The following BCKDHB variants were observed in gnomAD, a reference collection of about 807,000 sequenced individuals.
BCKDHB encodes 2-oxoisovalerate dehydrogenase subunit beta, mitochondrial.
A neutral mutation model predicts 48.5 loss-of-function variants in BCKDHB; 41 were observed. That is an observed-to-expected ratio of 0.85 (90% CI 0.66 to 1.10). The LOEUF is 1.10. Among genes scored for constraint, BCKDHB ranks in the 50% least tolerant of loss-of-function variants. The pLI is 0.00. For missense variants in BCKDHB, 496 were observed against 494.2 expected, an observed-to-expected ratio of 1.00 and a Z score of -0.03; for synonymous variants, 201 against 174.8, an observed-to-expected ratio of 1.15 and a Z score of -1.18.
chr6:80,275,743 G>A (rs993454654), intron 9 of BCKDHB, among the ~76,000 whole-genome samples: 3 of 151,622 alleles, frequency 2.0e-5, no homozygotes, highest in African/African-American at 7.3e-5. Flanking sequence ...ATACCTTTCA[G>A]TAACTCTTTC....
At chr6:80,226,987 CTT>C (rs1775707851) in intron 8 of BCKDHB, among the ~76,000 whole-genome samples, 1 of 152,068 alleles carries the variant, frequency 6.6e-6, no homozygotes, top group Non-Finnish European at 1.5e-5. Context: ...AAAACTGAGA[CTT>C]TCTTTTTTTC....
intron 1 of BCKDHB, among the ~76,000 whole-genome samples, chr6:80,114,117 T>C (rs1711934926): frequency 6.6e-6 from 1 of 152,086 alleles, no homozygotes; most frequent in Non-Finnish European, 1.5e-5. Flanking sequence ...AAGTTGGGGT[T>C]GGGGTTTTCC....
chr6:80,343,960 T>TAAAAAAA lies in BCKDHB; in HGVS notation c.*157_*158insAAAAAAA. ...ACTTTCAGAAGAAAATAATGTGCTT[T>TAAAAAAA]AGAAAAAAAATTCAAATTTATAGTA... On this transcript the variant is annotated 3_prime_UTR_variant, in exon 10 of 10. Transcript: ENST00000320393. The TAAAAAAA allele has an allele frequency of 1.1e-6, 1 of 947,976 alleles. No homozygotes were observed. Among genetic ancestry groups the TAAAAAAA allele is most frequent in the South Asian group, 1.4e-5 (1 of 69,336 alleles). The allele number at this position is 947,976 out of a possible 1,614,324, so 58.7% of individuals were successfully genotyped here.
At chr6:80,259,054 AC>A (rs1423111280) in intron 8 of BCKDHB, among the ~76,000 whole-genome samples, 1 of 152,196 alleles carries the variant, frequency 6.6e-6, no homozygotes, top group African/African-American at 2.4e-5. Context: ...TGGTCCTGAA[AC>A]AGTTCAGTAT....
intron 8 of BCKDHB, among the ~76,000 whole-genome samples, chr6:80,250,154 A>G (rs1261555868): frequency 6.6e-6 from 1 of 152,172 alleles, no homozygotes; most frequent in East Asian, 1.9e-4. Flanking sequence ...GGCCTCCCCA[A>G]CAGCCACTGC....
chr6:80,458,763 A>T, the BCKDHB span, among the ~76,000 whole-genome samples: 1 of 152,174 alleles, frequency 6.6e-6, no homozygotes, highest in Non-Finnish European at 1.5e-5. Context: ...GGTGACTGAG[A>T]CTTATATTCA....
At chr6:80,357,608 A>T in the BCKDHB span, among the ~76,000 whole-genome samples, 1 of 152,208 alleles carries the variant, frequency 6.6e-6, no homozygotes, top group East Asian at 1.9e-4. Context: ...TATCTGTTTA[A>T]CTACATACAA....
the BCKDHB span, among the ~76,000 whole-genome samples, chr6:80,351,844 G>C: frequency 1.4e-5 from 2 of 142,678 alleles, no homozygotes; most frequent in African/African-American, 5.2e-5. Context: ...TTTTTGAGAC[G>C]GAGTTTCGCT....
chr6:80,196,380 G>A (rs1774131101), intron 6 of BCKDHB, among the ~76,000 whole-genome samples: 1 of 152,024 alleles, frequency 6.6e-6, no homozygotes. Context: ...CACAGCAGTT[G>A]TATCCTCCGT....
At chr6:80,227,959 A>G (rs1170540232) in intron 8 of BCKDHB, among the ~76,000 whole-genome samples, 2 of 152,144 alleles carry the variant, frequency 1.3e-5, no homozygotes, top group Non-Finnish European at 2.9e-5. Flanking sequence ...GCTTTTTCCA[A>G]CCACCATATG....
At chr6:80,142,985 A>T (rs2127744196) in intron 3 of BCKDHB, among the ~76,000 whole-genome samples, 1 of 152,300 alleles carries the variant, frequency 6.6e-6, no homozygotes, top group Non-Finnish European at 1.5e-5. Flanking sequence ...AAAGAAATCC[A>T]GTGAAGAGTA....
chr6:80,423,087 G>A, the BCKDHB span, among the ~76,000 whole-genome samples: 3 of 152,178 alleles, frequency 2.0e-5, no homozygotes, highest in Non-Finnish European at 4.4e-5. Context: ...CCTGGTGGGT[G>A]ATGATTGTAT....
the BCKDHB span, among the ~76,000 whole-genome samples, chr6:80,437,027 A>G: frequency 6.6e-6 from 1 of 152,164 alleles, no homozygotes; most frequent in Non-Finnish European, 1.5e-5. Context: ...CTCACCCATA[A>G]TATTATTAGA....
chr6:80,142,085 T>G (rs943010577), intron 3 of BCKDHB, among the ~76,000 whole-genome samples: 2 of 152,120 alleles, frequency 1.3e-5, no homozygotes, highest in African/African-American at 4.8e-5. Context: ...TCATTTCTTA[T>G]GTATTTGGAG....
chr6:80,215,218 C>T (rs548831374), intron 8 of BCKDHB, among the ~76,000 whole-genome samples: 26 of 152,310 alleles, frequency 1.7e-4, no homozygotes, highest in African/African-American at 5.5e-4. Context: ...TAGGGCGGTG[C>T]CCTCCTCTCA....
At chr6:80,446,771 A>T in the BCKDHB span, among the ~76,000 whole-genome samples, 1 of 135,800 alleles carries the variant, frequency 7.4e-6, no homozygotes. Context: ...CTTACAGACT[A>T]AGAGTATTTA....
intron 9 of BCKDHB, chr6:80,307,684 T>C: frequency 7.2e-6 from 7 of 973,512 alleles, no homozygotes; most frequent in Non-Finnish European, 8.5e-6. Context: ...ATTAGGCCTA[T>C]TTTAACACAC....
chr6:80,371,283 A>G, the BCKDHB span, among the ~76,000 whole-genome samples: 1 of 151,964 alleles, frequency 6.6e-6, no homozygotes, highest in East Asian at 1.9e-4. Flanking sequence ...TCATGTGTAT[A>G]TCTTTTTTTG....
In BCKDHB at chr6:80,130,099, C is replaced by T. The variant is rs75416573; in HGVS notation, c.343+870C>T. Among the ~76,000 whole-genome samples the T allele has an allele frequency of 4.9e-3, 746 of 152,264 alleles. 5 individuals carry two copies. The highest frequency in any genetic ancestry group is 0.017 in the African/African-American group (720 of 41,554). ...TGACTCAGTTAAAATAATCAGAATG[C>T]ATTTTGGTCCATCTTTGAATTCCCA... is the stretch of plus-strand genomic sequence containing the variant. On this transcript the variant is annotated intron_variant, in intron 3 of 9. Transcript: ENST00000320393.
Sources: allele counts gnomAD v4.1 joint callset (sites outside exome capture counted in the v4.1 genomes callset), GRCh38; gene constraint gnomAD v4.1.1; transcripts MANE v1.5; gene names NCBI Gene and HGNC (gene_info 2026-07-23, HGNC 2026-07-21).